USP47: variants seen among roughly 807,000 people sequenced by gnomAD.
The protein encoded by USP47 is ubiquitin carboxyl-terminal hydrolase 47.
USP47 carries 35 observed loss-of-function variants against 165.1 expected under a neutral mutation model. The ratio of observed to expected loss-of-function variants is 0.21; its 90% CI spans 0.16 to 0.28. The LOEUF (loss-of-function observed/expected upper bound fraction) is 0.28. Ranked by LOEUF, USP47 falls within the 10% of genes least tolerant of loss-of-function variation. USP47 has a pLI of 1.00. For missense variants in USP47, 1,277 were observed against 1,607.4 expected (o/e 0.79, Z 3.52); for synonymous variants, 531 against 544.5 (o/e 0.98, Z 0.35).
intron 6 of USP47, 148 bp downstream of exon 6, chr11:11,903,008 ACT>A: frequency 1.1e-6 from 1 of 912,244 alleles, no homozygotes; most frequent in Non-Finnish European, 1.6e-6. Context: ...ACATTTCATA[ACT>A]CTACAATGAA....
Position 11,956,241 on chromosome 11 carries a change from G to A in USP47, c.*66G>A. 6.3e-7 allele frequency: 1 copy of A among 1,582,432 alleles called. No individual in the cohort carries two copies. The highest frequency in any genetic ancestry group is 1.1e-5 in the South Asian group (1 of 87,818). On this transcript the variant is annotated 3_prime_UTR_variant, in exon 28 of 28. Transcript: ENST00000527733. ...TAATTAGATGGTTCACTACCACTGG[G>A]TAGTGCCATTTTGGCCGGACATGGT...
At chr11:11,865,713 G>A (rs962123395) in intron 1 of USP47, among the ~76,000 whole-genome samples, 1 of 151,516 alleles carries the variant, frequency 6.6e-6, no homozygotes, top group African/African-American at 2.4e-5. Flanking sequence ...CATTTCAATG[G>A]CCATCTTATA....
intron 1 of USP47, among the ~76,000 whole-genome samples, chr11:11,853,682 C>A (rs1005175773): frequency 6.6e-6 from 1 of 152,158 alleles, no homozygotes; most frequent in Non-Finnish European, 1.5e-5. Flanking sequence ...TAAACTGAAA[C>A]ATGCATACAT....
intron 1 of USP47, among the ~76,000 whole-genome samples, chr11:11,868,193 A>G (rs1231184670): frequency 6.6e-6 from 1 of 152,224 alleles, no homozygotes; most frequent in Non-Finnish European, 1.5e-5. Flanking sequence ...ATACACTATC[A>G]GAACCAAGAT....
intron 1 of USP47, among the ~76,000 whole-genome samples, chr11:11,849,569 T>C (rs1848614813): frequency 6.6e-6 from 1 of 152,216 alleles, no homozygotes; most frequent in African/African-American, 2.4e-5. Flanking sequence ...ATAAATGGCT[T>C]ATCTTCAAAC....
chr11:11,851,114 A>G (rs1848701202), intron 1 of USP47, among the ~76,000 whole-genome samples: 2 of 152,176 alleles, frequency 1.3e-5, no homozygotes, highest in Non-Finnish European at 2.9e-5. Flanking sequence ...TTTGTGCTGG[A>G]TTGTTTTCCC....
rs1299146543 is a variant in USP47, at chr11:11,880,240, A to G, written c.103A>G (p.Thr35Ala). The G allele has an allele frequency of 6.8e-7, 1 of 1,465,666 alleles. No individual in the cohort carries two copies. Among genetic ancestry groups the G allele is most frequent in the Non-Finnish European group, 8.9e-7 (1 of 1,120,182 alleles). The allele number at this position is 1,465,666 out of a possible 1,614,324, so 90.8% of individuals were successfully genotyped here. A position where few individuals can be genotyped will look rare whatever the true frequency, so the allele number is the denominator to read the frequency against. Residue 35 changes from threonine to alanine, a missense_variant, in exon 2 of 28, where the codon ACA becomes GCA. Thr to Ala is a moderately conservative substitution (Grantham distance 58). This residue lies in a region of USP47 where 181 missense variants were observed against 194.7 expected (regional missense o/e 0.93). Transcript: ENST00000527733. The stretch of plus-strand genomic sequence containing the variant: ...TATACAAGATACTACTAATTCAAAG[A>G]CAGTGAATGAACGGATCACTTTAAA... ...CIIQDTTNSK[T>A]VNERITLNLP...
Position 11,946,371 on chromosome 11 carries a change from A to C in USP47, c.3092-1574A>C, listed in dbSNP as rs192860820. Among the ~76,000 whole-genome samples, 5 of 152,360 alleles carry C rather than the reference A, an allele frequency of 3.3e-5. 1 individual carries two copies. Among genetic ancestry groups the C allele is most frequent in the Admixed American group, 2.0e-4 (3 of 15,306 alleles). ...ACCATATTAAACGATATCAGTAACCAGCAAACATTTTTGTCTTCCTATGAC... is the reference window on the plus strand; with the variant it reads ...ACCATATTAAACGATATCAGTAACCCGCAAACATTTTTGTCTTCCTATGAC... On this transcript the variant is annotated intron_variant, in intron 20 of 27. Coordinates refer to ENST00000527733, the MANE Select transcript of USP47 (RefSeq NM_001282659.2).
chr11:11,861,873 T>C (rs1162111056), intron 1 of USP47, among the ~76,000 whole-genome samples: 2 of 152,212 alleles, frequency 1.3e-5, no homozygotes, highest in East Asian at 1.9e-4. Flanking sequence ...ATAACATGTT[T>C]ATTAATTTAA....
chr11:11,946,663 G>T (rs192110507), intron 20 of USP47, among the ~76,000 whole-genome samples: 4 of 152,074 alleles, frequency 2.6e-5, no homozygotes, highest in Non-Finnish European at 5.9e-5. Flanking sequence ...TTAGTACCTC[G>T]TTGGATAGCA....
intron 1 of USP47, among the ~76,000 whole-genome samples, chr11:11,865,624 G>A (rs1849629548): frequency 6.6e-6 from 1 of 151,928 alleles, no homozygotes; most frequent in Non-Finnish European, 1.5e-5. Flanking sequence ...ATTCCTACCA[G>A]CAATGCACAA....
At chr11:11,938,195 C>T (rs1855212332) in intron 17 of USP47, 62 bp from the exon 18 acceptor site, 6 of 1,413,482 alleles carry the variant, frequency 4.2e-6, no homozygotes, top group Non-Finnish European at 6.0e-6. Context: ...GAATGCATTA[C>T]TCATGTGAAA....
intron 1 of USP47, among the ~76,000 whole-genome samples, chr11:11,845,652 T>C (rs1848386558): frequency 6.6e-6 from 1 of 152,198 alleles, no homozygotes; most frequent in African/African-American, 2.4e-5. Flanking sequence ...GGAGCAGATA[T>C]TCAGTAAATA....
At chr11:11,843,722 A>C (rs546137540) in intron 1 of USP47, among the ~76,000 whole-genome samples, 2 of 152,192 alleles carry the variant, frequency 1.3e-5, no homozygotes, top group Non-Finnish European at 2.9e-5. Context: ...CATTAGATTT[A>C]TTTCCCTAAT....
In USP47 at chr11:11,961,013, T is replaced by G. The variant is rs1002478958; in HGVS notation, c.*4838T>G. Among the ~76,000 whole-genome samples the G allele has an allele frequency of 2.0e-5, 3 of 152,192 alleles. No homozygotes were observed. In the South Asian group the frequency reaches 6.2e-4, roughly 32 times the overall value. On this transcript the variant is annotated 3_prime_UTR_variant, in exon 28 of 28. Transcript: ENST00000527733. ...ATGCAAATAGCTCCTGTGTCAGAAA[T>G]GCTTTTTGGCTTCAAATAACAGAAA...
In USP47 at chr11:11,925,653, A is replaced by G. The variant is rs190211474; in HGVS notation, c.1386+2762A>G. Among the ~76,000 whole-genome samples the G allele has an allele frequency of 8.3e-4, 126 of 151,160 alleles. 1 individual carries two copies. Among genetic ancestry groups the G allele is most frequent in the Admixed American group, 1.7e-3 (26 of 15,212 alleles). On this transcript the variant is annotated intron_variant, in intron 11 of 27. Transcript: ENST00000527733. Reference sequence around the variant, plus strand: ...GTTAGGGTTTTTTTTTTTATGCGGAATCTTTATTTTCTACATACAAGATTG... The same window carrying G: ...GTTAGGGTTTTTTTTTTTATGCGGAGTCTTTATTTTCTACATACAAGATTG...
intron 11 of USP47, among the ~76,000 whole-genome samples, chr11:11,924,743 G>C (rs963630679): frequency 2.0e-5 from 3 of 151,908 alleles, no homozygotes; most frequent in African/African-American, 7.2e-5. Flanking sequence ...GGGGCATAGA[G>C]TTGTACAAAG....
chr11:11,872,447 A>G (rs1850127563), intron 1 of USP47, among the ~76,000 whole-genome samples: 1 of 152,172 alleles, frequency 6.6e-6, no homozygotes, highest in Non-Finnish European at 1.5e-5. Context: ...GGCAAGTTAG[A>G]CTCCTACTTT....
intron 1 of USP47, among the ~76,000 whole-genome samples, chr11:11,878,153 C>G (rs1850599136): frequency 6.6e-6 from 1 of 152,072 alleles, no homozygotes; most frequent in Non-Finnish European, 1.5e-5. Flanking sequence ...TTGGACCCTG[C>G]ATTCACATAT....
Sources: gnomAD v4.1 joint callset for allele counts (sites outside exome capture counted in the v4.1 genomes callset) on GRCh38, gnomAD v4.1.1 for gene constraint, gnomAD v4.1.1 regional missense constraint, MANE v1.5 for transcripts, NCBI Gene and HGNC (gene_info 2026-07-23, HGNC 2026-07-21) for gene names.